The following FSTL5 variants were observed in gnomAD, a reference collection of about 807,000 sequenced individuals.
FSTL5 encodes follistatin like 5, also known as follistatin-related protein 5.
A neutral mutation model predicts 89.1 loss-of-function variants in FSTL5; 62 were observed. That is an observed-to-expected ratio of 0.70 (90% CI 0.57 to 0.86). The LOEUF is 0.86. FSTL5 is among the 40% of genes least tolerant of loss of function. FSTL5 has a pLI of 0.00. For synonymous variants in FSTL5, 383 were observed against 346.2 expected (o/e 1.11, Z -1.18); for missense variants, 1,057 against 1,001.6 (o/e 1.06, Z -0.75).
At chr4:161,848,390 T>C (rs542720048) in intron 4 of FSTL5, among the ~76,000 whole-genome samples, 179 of 152,286 alleles carry the variant, frequency 1.2e-3, no homozygotes, top group African/African-American at 3.9e-3. Context: ...TTTAACACTT[T>C]TCTAAACTAA....
chr4:162,055,791 C>T (rs1324961192), intron 2 of FSTL5, among the ~76,000 whole-genome samples: 1 of 151,656 alleles, frequency 6.6e-6, no homozygotes, highest in Non-Finnish European at 1.5e-5. Flanking sequence ...AATGGAGACA[C>T]AAGAAATACA....
chr4:161,799,951 A>T (rs1240365210), intron 4 of FSTL5, among the ~76,000 whole-genome samples: 4 of 151,736 alleles, frequency 2.6e-5, no homozygotes, highest in Admixed American at 2.0e-4. Flanking sequence ...CATGCGGGGC[A>T]TCTGTTCAAA....
chr4:161,792,894 TC>T (rs1729523080), intron 4 of FSTL5, among the ~76,000 whole-genome samples: 1 of 152,060 alleles, frequency 6.6e-6, no homozygotes, highest in South Asian at 2.1e-4. Context: ...GGCTGAAACA[TC>T]CCCTCCCCCA....
intron 15 of FSTL5, among the ~76,000 whole-genome samples, chr4:161,433,523 C>T (rs960984916): frequency 6.6e-6 from 1 of 152,042 alleles, no homozygotes; most frequent in African/African-American, 2.4e-5. Context: ...CCACTTTCAC[C>T]ACTGTTATTC....
intron 2 of FSTL5, among the ~76,000 whole-genome samples, chr4:162,052,784 A>G (rs1450573257): frequency 6.6e-6 from 1 of 151,890 alleles, no homozygotes; most frequent in Non-Finnish European, 1.5e-5. Context: ...TTTTGTGGTG[A>G]GTACACTTAA....
intron 13 of FSTL5, among the ~76,000 whole-genome samples, chr4:161,468,072 A>G (rs1345251682): frequency 6.6e-6 from 1 of 151,976 alleles, no homozygotes; most frequent in African/African-American, 2.4e-5. Context: ...TTCAGTTTTT[A>G]TTTCACTCTC....
Position 161,538,065 on chromosome 4 carries a change from G to A in FSTL5, c.1312+101C>T, listed in dbSNP as rs188966472. 5 of 1,031,126 alleles carry A rather than the reference G, an allele frequency of 4.8e-6. No homozygotes were observed. The Admixed American group carries it at 1.0e-4, about 21-fold the overall frequency. 63.9% of individuals were successfully genotyped at this position (1,031,126 alleles called of 1,614,324 possible). A position where few individuals can be genotyped will look rare whatever the true frequency, so the allele number is the denominator to read the frequency against. ...TAAAATCTATTTGTTATAATGCATT[G>A]TGCAATTCACAGTTTTCTGGTGCCT... On this transcript the variant is annotated intron_variant, in intron 10 of 15. Coordinates refer to ENST00000306100, the MANE Select transcript of FSTL5 (RefSeq NM_020116.5).
rs78278806 is a variant in FSTL5 at position 162,097,776 on chromosome 4, C to A, written c.126+13495G>T. 2.0e-4 allele frequency among the ~76,000 whole-genome samples: 31 copies of A among 151,944 alleles called. No homozygotes were observed. In the East Asian group the frequency reaches 6.0e-3, roughly 29 times the overall value. Reference sequence around the variant, plus strand: ...TAAAACTACAATGGATAATACTACACACTCTCCAGAATGTCTGAAATTAAA... The same window carrying A: ...TAAAACTACAATGGATAATACTACAAACTCTCCAGAATGTCTGAAATTAAA... On this transcript the variant is annotated intron_variant, in intron 2 of 15. Transcript: ENST00000306100.
At chr4:161,431,290 A>G (rs1191171381) in intron 15 of FSTL5, among the ~76,000 whole-genome samples, 1 of 152,148 alleles carries the variant, frequency 6.6e-6, no homozygotes, top group African/African-American at 2.4e-5. Flanking sequence ...AACAACAAAA[A>G]GTTTTTTAAA....
intron 8 of FSTL5, among the ~76,000 whole-genome samples, chr4:161,561,562 C>CA (rs1223742927): frequency 6.6e-6 from 1 of 151,160 alleles, no homozygotes; most frequent in African/African-American, 2.4e-5. Context: ...GAGGATATTC[C>CA]AAAAAACACT....
intron 3 of FSTL5, among the ~76,000 whole-genome samples, chr4:161,958,205 T>C (rs1473935061): frequency 6.6e-6 from 1 of 152,064 alleles, no homozygotes; most frequent in Non-Finnish European, 1.5e-5. Context: ...CTTCTATATT[T>C]CTAATTAATA....
chr4:161,600,291 G>C (rs1375724583), intron 7 of FSTL5, among the ~76,000 whole-genome samples: 2 of 151,300 alleles, frequency 1.3e-5, no homozygotes, highest in Non-Finnish European at 2.9e-5. Context: ...AAAATACGAA[G>C]AGCAGCAAAA....
chr4:161,712,319 A>G (rs544075461), intron 6 of FSTL5, among the ~76,000 whole-genome samples: 1 of 152,256 alleles, frequency 6.6e-6, no homozygotes, highest in East Asian at 1.9e-4. Context: ...TAAAAAGAAT[A>G]AATAACATAG....
At chr4:161,934,356 A>G (rs1460609173) in intron 3 of FSTL5, among the ~76,000 whole-genome samples, 1 of 152,122 alleles carries the variant, frequency 6.6e-6, no homozygotes, top group Non-Finnish European at 1.5e-5. Context: ...ATATAAAATC[A>G]TAGGTGAAGA....
chr4:161,924,668 G>C (rs1734077493), intron 3 of FSTL5, among the ~76,000 whole-genome samples: 1 of 151,608 alleles, frequency 6.6e-6, no homozygotes, highest in South Asian at 2.1e-4. Context: ...AATGTACCAT[G>C]TAATACAAAT....
intron 6 of FSTL5, among the ~76,000 whole-genome samples, chr4:161,682,363 T>C (rs1737554643): frequency 6.6e-6 from 1 of 152,216 alleles, no homozygotes; most frequent in Admixed American, 6.5e-5. Flanking sequence ...AGTTTTTACT[T>C]TGTGAACTTT....
Position 161,385,833 on chromosome 4 carries a change from T to G in FSTL5, c.2458A>C (p.Ile820Leu). The G allele has an allele frequency of 1.2e-6, 2 of 1,613,866 alleles. No homozygotes were observed. The highest frequency in any genetic ancestry group is 1.7e-6 in the Non-Finnish European group (2 of 1,179,852). ...LMTPSKDSLF[I>L]LDGRLNKLNC... ...AATTTATTGAGTCGTCCATCTAGGA[T>G]GAAGAGAGAGTCCTTGGAAGGTGTC... The change falls in exon 16 of 16, where the codon ATC (isoleucine) becomes CTC (leucine). Residue 820 changes from isoleucine to leucine, a missense_variant. Ile to Leu is a conservative substitution (Grantham distance 5). Transcript: ENST00000306100.
intron 3 of FSTL5, among the ~76,000 whole-genome samples, chr4:161,926,438 T>C (rs1164735582): frequency 6.7e-6 from 1 of 150,000 alleles, no homozygotes; most frequent in African/African-American, 2.4e-5. Context: ...CAAGAGGCCG[T>C]ATGAAAATAA....
Position 161,627,008 on chromosome 4 carries a change from G to A in FSTL5, c.894+29320C>T, listed in dbSNP as rs190114312. On this transcript the variant is annotated intron_variant, in intron 7 of 15. Coordinates refer to ENST00000306100, the MANE Select transcript of FSTL5 (RefSeq NM_020116.5). Reference sequence around the variant, plus strand: ...GGTTTCCTGAGATGCAACCTACTGGGGAAGATGCATGAAAATTGTTTAAAT... The same window carrying A: ...GGTTTCCTGAGATGCAACCTACTGGAGAAGATGCATGAAAATTGTTTAAAT... 3.8e-3 allele frequency among the ~76,000 whole-genome samples: 576 copies of A among 152,242 alleles called. 12 individuals carry two copies. The highest frequency in any genetic ancestry group is 8.1e-4 in the Non-Finnish European group (55 of 68,034).
Sources: allele counts gnomAD v4.1 joint callset (sites outside exome capture counted in the v4.1 genomes callset), GRCh38; gene constraint gnomAD v4.1.1; transcripts MANE v1.5; gene names NCBI Gene and HGNC (gene_info 2026-07-23, HGNC 2026-07-21).